The following CHD5 variants were observed in gnomAD, a reference collection of about 807,000 sequenced individuals.
CHD5 encodes the protein chromodomain helicase DNA binding protein 5, also known as ATP-dependent chromatin remodeler CHD5.
Under a neutral mutation model 230.3 loss-of-function variants are expected in CHD5, and 69 were observed. The observed-to-expected ratio is 0.30, with a 90% confidence interval of 0.25 to 0.37. The LOEUF is 0.37. CHD5 is among the 10% of genes least tolerant of loss of function. The pLI is 1.00. For synonymous variants in CHD5, 1,064 were observed against 1,065.9 expected, an observed-to-expected ratio of 1.00 and a Z score of 0.03; for missense variants, 1,827 against 2,622.8, an observed-to-expected ratio of 0.70 and a Z score of 6.63.
intron 33 of CHD5, among the ~76,000 whole-genome samples, chr1:6,114,809 T>G (rs1417301101): frequency 6.6e-6 from 1 of 151,374 alleles, no homozygotes; most frequent in African/African-American, 2.4e-5. Context: ...AGGTCAGGAG[T>G]TTGAGACCAG....
intron 3 of CHD5, among the ~76,000 whole-genome samples, chr1:6,158,118 C>T (rs948926326): frequency 1.3e-5 from 2 of 152,230 alleles, no homozygotes; most frequent in Non-Finnish European, 2.9e-5. Flanking sequence ...CACTGTCACT[C>T]ACCCACTGCC....
chr1:6,109,210 C>T (rs1666245410), intron 38 of CHD5, among the ~76,000 whole-genome samples: 1 of 152,094 alleles, frequency 6.6e-6, no homozygotes, highest in Admixed American at 6.5e-5. Context: ...GACCTGCAGC[C>T]CCAGGCCCTA....
chr1:6,175,021 ATGGATGGATGATGGATGGATGGTGGG>A (rs1215245713), intron 1 of CHD5, among the ~76,000 whole-genome samples: 1 of 145,736 alleles, frequency 6.9e-6, no homozygotes. Flanking sequence ...TGAATGGATA[ATGGATGGATGATGGATGGATGGTGGG>A]TGGATGAATG....
chr1:6,174,791 T>A (rs1453361502), intron 1 of CHD5, among the ~76,000 whole-genome samples: 1 of 150,770 alleles, frequency 6.6e-6, no homozygotes, highest in Non-Finnish European at 1.5e-5. Context: ...GGTGGGTGGA[T>A]GGATGAATGG....
chr1:6,112,334 GCCTCT>G, intron 34 of CHD5, 57 bp from the exon 35 acceptor site: 1 of 1,594,260 alleles, frequency 6.3e-7, no homozygotes, highest in East Asian at 2.2e-5. Context: ...GTGCCCAGCG[GCCTCT>G]CTCTGCCAAG....
In CHD5 at chr1:6,148,729, C is replaced by T. The variant is rs574438842; in HGVS notation, c.1383+125G>A. 684 of 686,608 alleles carry T rather than the reference C, an allele frequency of 1.0e-3. 1 individual carries two copies. The highest frequency in any genetic ancestry group is 6.5e-3 in the Middle Eastern group (15 of 2,298). The allele number at this position is 686,608 out of a possible 1,614,324, so 42.5% of individuals were successfully genotyped here. A position where few individuals can be genotyped will look rare whatever the true frequency, so the allele number is the denominator to read the frequency against. ...CGCGGGCGAAGCTTTGCGGGATCGG[C>T]TACCGAGGCGGGGCAGGAGCCGGCA... On this transcript the variant is annotated intron_variant, in intron 9 of 41. Coordinates refer to ENST00000262450, the MANE Select transcript of CHD5 (RefSeq NM_015557.3).
At chr1:6,179,018 CAG>C (rs1667467482) in intron 1 of CHD5, among the ~76,000 whole-genome samples, 1 of 152,238 alleles carries the variant, frequency 6.6e-6, no homozygotes, top group Non-Finnish European at 1.5e-5. Flanking sequence ...GGGTGGCTGA[CAG>C]GGTGGGGCCC....
chr1:6,160,988 G>A (rs1386168861), intron 2 of CHD5, among the ~76,000 whole-genome samples: 1 of 152,218 alleles, frequency 6.6e-6, no homozygotes, highest in Non-Finnish European at 1.5e-5. Context: ...TGCGGGGCTT[G>A]CCATGCGCAG....
Position 6,136,923 on chromosome 1 carries a change from C to G in CHD5, c.2437-58G>C, listed in dbSNP as rs1425539735. ...GCTGGGAGCAGAGCGGATCACAGTC[C>G]CAGGAGACAAAGAGCCAAGAAGGAG... On this transcript the variant is annotated intron_variant, in intron 15 of 41. Coordinates refer to ENST00000262450, the MANE Select transcript of CHD5 (RefSeq NM_015557.3). 7.2e-6 allele frequency: 11 copies of G among 1,525,300 alleles called. No individual in the cohort carries two copies. In the East Asian group the frequency reaches 2.5e-4, roughly 35 times the overall value. The allele number at this position is 1,525,300 out of a possible 1,614,324, so 94.5% of individuals were successfully genotyped here.
rs1667050029 is a variant in CHD5 at position 6,154,464 on chromosome 1, G to T, written c.745+196C>A. On this transcript the variant is annotated intron_variant, in intron 5 of 41. Transcript: ENST00000262450. The surrounding 1 kb of genome is among the most constrained non-coding windows in gnomAD (Gnocchi z 7.0). ...CTCCACCAACCCCAAAAGGGAGTCA[G>T]GCACAAAAGAGGCGACGATGCTGCC... Among the ~76,000 whole-genome samples, 1 of 152,182 alleles carries T rather than the reference G, an allele frequency of 6.6e-6. No individual in the cohort carries two copies. The highest frequency in any genetic ancestry group is 2.1e-4 in the South Asian group (1 of 4,820).
chr1:6,130,161 T>C lies in CHD5; in HGVS notation c.3387+43A>G, dbSNP rs1194699440. The C allele has an allele frequency of 6.2e-6, 10 of 1,608,654 alleles. No homozygotes were observed. The highest frequency in any genetic ancestry group is 1.7e-4 in the Middle Eastern group (1 of 6,018). On this transcript the variant is annotated intron_variant, in intron 22 of 41. Transcript: ENST00000262450. The surrounding 1 kb of genome is among the most constrained non-coding windows in gnomAD (Gnocchi z 4.9). Reference sequence around the variant, plus strand: ...GACAGAACCTGCCTGAGGCCCGGGATGAGAGGCCCCCTGGGAGGGTGGTGG... The same window carrying C: ...GACAGAACCTGCCTGAGGCCCGGGACGAGAGGCCCCCTGGGAGGGTGGTGG...
At chr1:6,144,962 G>A (rs532070795) in intron 11 of CHD5, among the ~76,000 whole-genome samples, 3 of 152,234 alleles carry the variant, frequency 2.0e-5, no homozygotes, top group Non-Finnish European at 4.4e-5. Flanking sequence ...AGATTCACCT[G>A]CCCCACTTTG....
At chr1:6,143,279 C>A (rs954754137) in intron 13 of CHD5, among the ~76,000 whole-genome samples, 1 of 152,076 alleles carries the variant, frequency 6.6e-6, no homozygotes. Context: ...GCGGTCCTCC[C>A]ACCCCGGCCT....
chr1:6,177,502 A>G (rs1269145606), intron 1 of CHD5, among the ~76,000 whole-genome samples: 2 of 152,206 alleles, frequency 1.3e-5, no homozygotes, highest in African/African-American at 4.8e-5. Flanking sequence ...ACTGATGACA[A>G]CGTTTCGAGT....
chr1:6,146,899 G>T lies in CHD5; in HGVS notation c.1384-28C>A. ...GTGGACAGAGAAGGGTCCCCAAGGT[G>T]GGGCTCAGCTGCAGGGCCCCACCCT... On this transcript the variant is annotated intron_variant, in intron 9 of 41. Coordinates refer to ENST00000262450, the MANE Select transcript of CHD5 (RefSeq NM_015557.3). This position sits in a 1 kb window ranked among gnomAD's most constrained non-coding sequence, Gnocchi z 5.1. The T allele has an allele frequency of 1.4e-6, 2 of 1,456,216 alleles. No individual in the cohort carries two copies. Among genetic ancestry groups the T allele is most frequent in the Non-Finnish European group, 9.1e-7 (1 of 1,098,798 alleles). 90.2% of individuals were successfully genotyped at this position (1,456,216 alleles called of 1,614,324 possible).
intron 2 of CHD5, 62 bp from the exon 3 acceptor site, chr1:6,159,577 G>T: frequency 1.4e-6 from 2 of 1,438,030 alleles, no homozygotes; most frequent in Non-Finnish European, 9.6e-7. Context: ...AGTCCTGGGT[G>T]GCAGGACGGC....
chr1:6,142,395 G>A lies in CHD5; in HGVS notation c.2235+19C>T, dbSNP rs373719144. Reference sequence around the variant, plus strand: ...CCAGGACCAGCCACCCCTCCTGGCCGCCTGCCCCGCCTGCCCACCTCCTTG... The same window carrying A: ...CCAGGACCAGCCACCCCTCCTGGCCACCTGCCCCGCCTGCCCACCTCCTTG... On this transcript the variant is annotated intron_variant, in intron 14 of 41. Coordinates refer to ENST00000262450, the MANE Select transcript of CHD5 (RefSeq NM_015557.3). This position sits in a 1 kb window ranked among gnomAD's most constrained non-coding sequence, Gnocchi z 5.2. The A allele has an allele frequency of 6.4e-5, 102 of 1,596,268 alleles. No homozygotes were observed. The highest frequency in any genetic ancestry group is 2.3e-4 in the African/African-American group (17 of 74,642).
At chr1:6,149,519 G>T in intron 7 of CHD5, 107 bp from the exon 8 acceptor site, 2 of 1,144,050 alleles carry the variant, frequency 1.7e-6, no homozygotes, top group African/African-American at 1.6e-5. Context: ...TCTAATAGAG[G>T]GTGGATGGAA....
intron 37 of CHD5, 90 bp from the exon 38 acceptor site, chr1:6,110,080 C>A (rs2100830985): frequency 1.6e-6 from 2 of 1,231,640 alleles, no homozygotes; most frequent in Non-Finnish European, 2.2e-6. Flanking sequence ...CCAAGGCTCC[C>A]GGCAGAAAGG....
Sources: allele counts gnomAD v4.1 joint callset (sites outside exome capture counted in the v4.1 genomes callset), GRCh38; gene constraint gnomAD v4.1.1; non-coding constraint Gnocchi (gnomAD v3.1); transcripts MANE v1.5; gene names NCBI Gene and HGNC (gene_info 2026-07-23, HGNC 2026-07-21).